PKP2: variants seen among roughly 807,000 people sequenced by gnomAD.
PKP2 encodes the protein plakophilin 2, also known as plakophilin-2.
In PKP2, 73 loss-of-function variants were observed where a neutral mutation model predicts 83.4. The observed-to-expected ratio is 0.88, with a 90% CI of 0.72 to 1.06. The LOEUF (loss-of-function observed/expected upper bound fraction) is 1.06, where lower values mean the gene tolerates loss of function less well. PKP2 is among the 50% of genes least tolerant of loss of function. The pLI is 0.00. For synonymous variants in PKP2, 409 were observed against 430.4 expected (o/e 0.95, Z 0.62); for missense variants, 966 against 1,065.4 (o/e 0.91, Z 1.30).
rs999670924 is a variant in PKP2 at position 32,831,065 on chromosome 12, C to A, written c.1557-6903G>T. Among the ~76,000 whole-genome samples, 6 of 152,108 alleles carry A rather than the reference C, an allele frequency of 3.9e-5. No individual in the cohort carries two copies. The South Asian group carries it at 1.2e-3, about 32-fold the overall frequency. On this transcript the variant is annotated intron_variant, in intron 6 of 12. Coordinates refer to ENST00000340811, the MANE Select transcript of PKP2 (RefSeq NM_001005242.3). The stretch of plus-strand genomic sequence containing the variant: ...GTTAGGTAGGACAGAATCCCAAATT[C>A]CATTTAAAATTAATTATAAACAGCA...
chr12:32,877,047 A>G (rs563866608), intron 3 of PKP2, among the ~76,000 whole-genome samples: 1 of 152,358 alleles, frequency 6.6e-6, no homozygotes, highest in Non-Finnish European at 1.5e-5. Context: ...GGTAACAACT[A>G]TCATTAGACA....
chr12:32,891,804 C>G (rs188419007), intron 1 of PKP2, among the ~76,000 whole-genome samples: 16 of 152,280 alleles, frequency 1.1e-4, no homozygotes, highest in Admixed American at 9.8e-4. Flanking sequence ...CTGAAGCATC[C>G]TTACTTTACC....
rs147264025 is a variant in PKP2 at position 32,869,049 on chromosome 12, C to T, written c.1048G>A (p.Glu350Lys). Reference sequence around the variant, plus strand: ...CTCACTGCTCGCTCCAGAGTCATCTCCATGTCTGCATTCCTAGACAAACAG... The same window carrying T: ...CTCACTGCTCGCTCCAGAGTCATCTTCATGTCTGCATTCCTAGACAAACAG... ...TDSQLGNADM[E>K]MTLERAVSML... The change falls in exon 4 of 13, where the codon GAG becomes AAG. Residue 350 changes from glutamate (E) to lysine (K), a missense_variant. Transcript: ENST00000340811. 2.0e-5 allele frequency: 33 copies of T among 1,613,858 alleles called. No homozygotes were observed. Among genetic ancestry groups the T allele is most frequent in the Non-Finnish European group, 2.8e-5 (33 of 1,180,034 alleles).
intron 9 of PKP2, 148 bp from the exon 10 acceptor site, chr12:32,802,704 G>A: frequency 1.3e-6 from 1 of 746,912 alleles, no homozygotes. Context: ...TGTCATTCAG[G>A]CTGGAGTGCA....
At chr12:32,821,005 A>G in intron 9 of PKP2, 1 of 298,242 alleles carries the variant, frequency 3.4e-6, no homozygotes, top group South Asian at 3.4e-5. Flanking sequence ...CCCGGAGATG[A>G]AGAAAGTCAA....
chr12:32,843,181 C>T lies in PKP2; in HGVS notation c.1379-1976G>A, dbSNP rs1332615728. 2.0e-6 allele frequency: 1 copy of T among 506,840 alleles called. No individual in the cohort carries two copies. Among genetic ancestry groups the T allele is most frequent in the Admixed American group, 2.2e-5 (1 of 46,414 alleles). 31.4% of individuals were successfully genotyped at this position (506,840 alleles called of 1,614,324 possible). A position where few individuals can be genotyped will look rare whatever the true frequency, so the allele number is the denominator to read the frequency against. On this transcript the variant is annotated intron_variant, in intron 5 of 12. Coordinates refer to ENST00000340811, the MANE Select transcript of PKP2 (RefSeq NM_001005242.3). ...ATTTTGAGTAGAGACAGGGGTCTCACCATGTTGGTCAGGCTGGTCTCGAAC... is the reference window on the plus strand; with the variant it reads ...ATTTTGAGTAGAGACAGGGGTCTCATCATGTTGGTCAGGCTGGTCTCGAAC...
chr12:32,839,896 C>T (rs1240738492), intron 6 of PKP2, among the ~76,000 whole-genome samples: 2 of 152,040 alleles, frequency 1.3e-5, no homozygotes, highest in African/African-American at 4.8e-5. Flanking sequence ...GAATGTGGTC[C>T]TTTATCTTTA....
intron 6 of PKP2, among the ~76,000 whole-genome samples, chr12:32,836,498 A>G (rs1044498522): frequency 6.6e-6 from 1 of 152,240 alleles, no homozygotes; most frequent in African/African-American, 2.4e-5. Context: ...ACTCAGCACC[A>G]TTGCCACATG....
intron 3 of PKP2, among the ~76,000 whole-genome samples, chr12:32,872,335 C>A (rs1423513300): frequency 6.6e-6 from 1 of 152,004 alleles, no homozygotes; most frequent in Non-Finnish European, 1.5e-5. Flanking sequence ...GAGTTTAAGG[C>A]CAGCCTGGCC....
chr12:32,885,979 T>A (rs1227485061), intron 1 of PKP2, among the ~76,000 whole-genome samples: 1 of 152,176 alleles, frequency 6.6e-6, no homozygotes. Context: ...AAAAAAGTGA[T>A]TTGGTTCACA....
intron 9 of PKP2, among the ~76,000 whole-genome samples, chr12:32,806,083 G>C (rs1324212738): frequency 6.6e-6 from 1 of 152,158 alleles, no homozygotes; most frequent in Admixed American, 6.5e-5. Context: ...TGGTGGATAA[G>C]CTTTTTGATA....
intron 4 of PKP2, among the ~76,000 whole-genome samples, chr12:32,864,305 CACAT>C (rs1286468711): frequency 5.4e-5 from 3 of 55,876 alleles, no homozygotes; most frequent in Non-Finnish European, 7.7e-5. Context: ...AAGTACTATA[CACAT>C]ACACACACAC....
At chr12:32,836,017 T>C (rs915571301) in intron 6 of PKP2, among the ~76,000 whole-genome samples, 1 of 152,192 alleles carries the variant, frequency 6.6e-6, no homozygotes, top group African/African-American at 2.4e-5. Flanking sequence ...TCACTGAACA[T>C]GGAATTATGC....
intron 9 of PKP2, among the ~76,000 whole-genome samples, chr12:32,809,762 A>T (rs1221633497): frequency 6.6e-6 from 1 of 152,016 alleles, no homozygotes. Context: ...TCTGTGGGAG[A>T]AGCATGGTCC....
Position 32,840,979 on chromosome 12 carries a change from C to T in PKP2, c.1556+49G>A, listed in dbSNP as rs550706486. On this transcript the variant is annotated intron_variant, in intron 6 of 12. Transcript: ENST00000340811. ...TATATCCTGACTTCCTTGGGGCTAC[C>T]TAATTTTTTATTGCATCTTCTATCA... 2.6e-5 allele frequency: 38 copies of T among 1,451,414 alleles called. No individual in the cohort carries two copies. The South Asian group carries it at 4.2e-4, about 16-fold the overall frequency. The allele number at this position is 1,451,414 out of a possible 1,614,324, so 89.9% of individuals were successfully genotyped here. A position where few individuals can be genotyped will look rare whatever the true frequency, so the allele number is the denominator to read the frequency against.
At position 32,792,251 on chromosome 12, in the gene PKP2, T is replaced by G; in HGVS notation, c.*173A>C. On this transcript the variant is annotated 3_prime_UTR_variant, in exon 13 of 13. Transcript: ENST00000340811. ...TCTACTGGTGGCAAACTTGCAAAGGTCTTCTGGAAGACTCATAAAATTATG... is the reference window on the plus strand; with the variant it reads ...TCTACTGGTGGCAAACTTGCAAAGGGCTTCTGGAAGACTCATAAAATTATG... 1 of 665,044 alleles carries G rather than the reference T, an allele frequency of 1.5e-6. No homozygotes were observed. Among genetic ancestry groups the G allele is most frequent in the Non-Finnish European group, 2.7e-6 (1 of 365,524 alleles). The allele number at this position is 665,044 out of a possible 1,614,324, so 41.2% of individuals were successfully genotyped here.
chr12:32,894,563 G>C (rs1179273357), intron 1 of PKP2: 3 of 152,144 alleles, frequency 2.0e-5, no homozygotes, highest in African/African-American at 7.2e-5. Flanking sequence ...ATTGTTTCAA[G>C]AATATAATGA....
chr12:32,810,720 C>T lies in PKP2; in HGVS notation c.2014-8164G>A, dbSNP rs1212627526. On this transcript the variant is annotated intron_variant, in intron 9 of 12. Transcript: ENST00000340811. ...TTTTTGAGACGGAGTCTCGCTCTGT[C>T]GCCCAGGCTGGAGTGCAGTGGCGGG... Among the ~76,000 whole-genome samples, 3 of 4,874 alleles carry T rather than the reference C, an allele frequency of 6.2e-4. 1 individual carries two copies. Among genetic ancestry groups the T allele is most frequent in the Admixed American group, 4.8e-3 (3 of 626 alleles). 3.2% of individuals were successfully genotyped at this position (4,874 alleles called of 152,430 possible).
intron 4 of PKP2, among the ~76,000 whole-genome samples, chr12:32,859,704 C>A (rs909853762): frequency 1.3e-5 from 2 of 152,158 alleles, no homozygotes; most frequent in Non-Finnish European, 2.9e-5. Flanking sequence ...CATCTGCCTG[C>A]CTTGGCCTCC....
Sources: gnomAD v4.1 joint callset for allele counts (sites outside exome capture counted in the v4.1 genomes callset) on GRCh38, gnomAD v4.1.1 for gene constraint, MANE v1.5 for transcripts, NCBI Gene and HGNC (gene_info 2026-07-23, HGNC 2026-07-21) for gene names.